Variants in ZNF423 observed in about 807,000 individuals in gnomAD.
ZNF423 encodes the protein Ebf-associated zinc finger protein.
A neutral mutation model predicts 95.8 loss-of-function variants in ZNF423; 12 were observed. The observed-to-expected ratio is 0.13, with a 90% CI of 0.08 to 0.20. ZNF423 has a LOEUF of 0.20. Ranked by LOEUF, ZNF423 falls within the 10% of genes least tolerant of loss-of-function variation. The pLI is 1.00. For synonymous variants in ZNF423, 749 were observed against 711.9 expected (o/e 1.05, Z -0.83); for missense variants, 1,316 against 1,737.1 (o/e 0.76, Z 4.31).
intron 3 of ZNF423, among the ~76,000 whole-genome samples, chr16:49,643,030 AG>A (rs916377955): frequency 1.1e-4 from 17 of 152,036 alleles, no homozygotes; most frequent in Admixed American, 2.6e-4. Context: ...CATGTTGGCC[AG>A]GCTGGTCTCG....
At chr16:49,691,558 C>A (rs2151946456) in intron 3 of ZNF423, among the ~76,000 whole-genome samples, 1 of 152,166 alleles carries the variant, frequency 6.6e-6, no homozygotes, top group East Asian at 1.9e-4. Context: ...TGGTGAAACC[C>A]CGTCTCTACT....
chr16:49,697,481 C>G (rs889730019), intron 3 of ZNF423, among the ~76,000 whole-genome samples: 1 of 152,050 alleles, frequency 6.6e-6, no homozygotes, highest in Non-Finnish European at 1.5e-5. Context: ...GAAGGCCATT[C>G]CTGATCAATT....
chr16:49,678,961 A>G (rs371676370), intron 3 of ZNF423, among the ~76,000 whole-genome samples: 1 of 152,334 alleles, frequency 6.6e-6, no homozygotes, highest in Admixed American at 6.5e-5. Flanking sequence ...CCCTGAGCCT[A>G]TCAGGCTCTC....
Position 49,812,238 on chromosome 16 carries a change from A to G in ZNF423, c.41-22692T>C, listed in dbSNP as rs140969536. Among the ~76,000 whole-genome samples the G allele has an allele frequency of 2.8e-3, 421 of 152,360 alleles. 5 individuals carry two copies. The highest frequency in any genetic ancestry group is 9.1e-3 in the Admixed American group (140 of 15,310). ...AGAGCTGGGATTCAAATCCAGACCT[A>G]TGCAATTTAAAATCCCACACCAAGC... On this transcript the variant is annotated intron_variant, in intron 1 of 7. Coordinates refer to ENST00000563137, the MANE Select transcript of ZNF423 (RefSeq NM_001379286.1).
At chr16:49,678,226 T>C (rs1322458607) in intron 3 of ZNF423, among the ~76,000 whole-genome samples, 1 of 150,634 alleles carries the variant, frequency 6.6e-6, no homozygotes, top group Admixed American at 6.6e-5. Flanking sequence ...TGTATGTGTT[T>C]TATTTTTTTT....
At chr16:49,583,415 GC>G (rs1970732692) in intron 5 of ZNF423, among the ~76,000 whole-genome samples, 1 of 152,196 alleles carries the variant, frequency 6.6e-6, no homozygotes, top group Non-Finnish European at 1.5e-5. Context: ...CATGATGGCA[GC>G]ATCATTCCCA....
At chr16:49,806,271 A>C (rs545324242) in intron 1 of ZNF423, among the ~76,000 whole-genome samples, 6 of 152,316 alleles carry the variant, frequency 3.9e-5, no homozygotes, top group Non-Finnish European at 8.8e-5. Context: ...CCGCCAGATG[A>C]AAGTGGCAGC....
intron 1 of ZNF423, chr16:49,847,368 C>T (rs1006937695): frequency 6.6e-6 from 1 of 152,322 alleles, no homozygotes; most frequent in Non-Finnish European, 1.5e-5. Context: ...ATAGGGGCCA[C>T]AAGGGATCTG....
chr16:49,741,339 G>GC (rs1197873379), intron 2 of ZNF423, among the ~76,000 whole-genome samples: 1 of 151,668 alleles, frequency 6.6e-6, no homozygotes, highest in Non-Finnish European at 1.5e-5. Flanking sequence ...TACTAAAAAT[G>GC]CCCCAAAAAA....
intron 2 of ZNF423, among the ~76,000 whole-genome samples, chr16:49,754,807 C>CT (rs1158292745): frequency 6.6e-6 from 1 of 152,172 alleles, no homozygotes; most frequent in African/African-American, 2.4e-5. Context: ...AAAGAAAAAA[C>CT]TTTTTTTGCC....
At chr16:49,778,583 C>T (rs2034159932) in intron 2 of ZNF423, among the ~76,000 whole-genome samples, 1 of 152,034 alleles carries the variant, frequency 6.6e-6, no homozygotes, top group African/African-American at 2.4e-5. Flanking sequence ...CATGCCTCAC[C>T]AACCACGGTG....
Position 49,677,273 on chromosome 16 carries a change from G to GAAGAGAAGAGAAGAA in ZNF423, c.302-38400_302-38399insTTCTTCTCTTCTCTT, listed in dbSNP as rs1596837017. On this transcript the variant is annotated intron_variant, in intron 3 of 7. Transcript: ENST00000563137. ...TAAGAGAAGAGAAGAGAAGAGAAGA[G>GAAGAGAAGAGAAGAA]AAGAGAAGAGAAGAGAAGAGAAGAG... is the stretch of plus-strand genomic sequence containing the variant. 5.5e-5 allele frequency among the ~76,000 whole-genome samples: 4 copies of GAAGAGAAGAGAAGAA among 73,198 alleles called. No homozygotes were observed. In the East Asian group the frequency reaches 1.6e-3, roughly 29 times the overall value. The allele number at this position is 73,198 out of a possible 152,430, so 48.0% of individuals were successfully genotyped here. A position where few individuals can be genotyped will look rare whatever the true frequency, so the allele number is the denominator to read the frequency against.
At chr16:49,607,879 G>T (rs1019461657) in intron 5 of ZNF423, among the ~76,000 whole-genome samples, 8 of 152,184 alleles carry the variant, frequency 5.3e-5, no homozygotes, top group Admixed American at 4.6e-4. Flanking sequence ...AGGAGAAGTG[G>T]TGTTAGTGCG....
intron 7 of ZNF423, among the ~76,000 whole-genome samples, chr16:49,493,782 G>A (rs1005579412): frequency 6.6e-6 from 1 of 152,198 alleles, no homozygotes. Context: ...CATTCCAAGA[G>A]GAAAGAATAG....
chr16:49,567,596 C>T (rs1241065135), intron 5 of ZNF423, among the ~76,000 whole-genome samples: 1 of 152,128 alleles, frequency 6.6e-6, no homozygotes, highest in East Asian at 1.9e-4. Flanking sequence ...CCCATTCCCA[C>T]CCTGAAATGC....
chr16:49,527,213 C>T (rs188222500), intron 5 of ZNF423, among the ~76,000 whole-genome samples: 1 of 152,182 alleles, frequency 6.6e-6, no homozygotes, highest in Non-Finnish European at 1.5e-5. Flanking sequence ...CCACATAGCC[C>T]ACTGGCTGGA....
chr16:49,519,893 A>T (rs778326947), intron 7 of ZNF423, among the ~76,000 whole-genome samples: 11 of 152,100 alleles, frequency 7.2e-5, no homozygotes, highest in Non-Finnish European at 1.5e-4. Flanking sequence ...CTGTCATCCT[A>T]GCCCTGGCAC....
intron 1 of ZNF423, among the ~76,000 whole-genome samples, chr16:49,844,806 GA>G (rs2035226104): frequency 6.6e-6 from 1 of 152,096 alleles, no homozygotes; most frequent in Non-Finnish European, 1.5e-5. Flanking sequence ...GGGAGGCTGA[GA>G]AGGGTGTACA....
chr16:49,671,104 G>A (rs1203226409), intron 3 of ZNF423, among the ~76,000 whole-genome samples: 1 of 152,234 alleles, frequency 6.6e-6, no homozygotes, highest in Non-Finnish European at 1.5e-5. Flanking sequence ...CCCTTCAGGT[G>A]TTTCAGCGCC....
Sources: gnomAD v4.1 joint callset for allele counts (sites outside exome capture counted in the v4.1 genomes callset) on GRCh38, gnomAD v4.1.1 for gene constraint, MANE v1.5 for transcripts, NCBI Gene and HGNC (gene_info 2026-07-23, HGNC 2026-07-21) for gene names.